Variants in KIF1B observed in about 807,000 individuals in gnomAD.
KIF1B encodes the protein kinesin-like protein KIF1B.
A neutral mutation model predicts 241.9 loss-of-function variants in KIF1B; 76 were observed. The observed-to-expected ratio is 0.31, with a 90% CI of 0.26 to 0.38. The LOEUF is 0.38. KIF1B is among the 10% of genes least tolerant of loss of function. The probability of loss-of-function intolerance (pLI) is 1.00; values close to 1 mark genes in which losing one functional copy is unlikely to be tolerated. For missense variants in KIF1B, 1,622 were observed against 2,271.4 expected (o/e 0.71, Z 5.81); for synonymous variants, 750 against 796.7 (o/e 0.94, Z 0.99).
intron 10 of KIF1B, among the ~76,000 whole-genome samples, chr1:10,273,981 G>A (rs113866686): frequency 1.1e-3 from 156 of 141,110 alleles, no homozygotes; most frequent in African/African-American, 4.0e-3. Context: ...CTGCTGCCCA[G>A]GCTGGGGTAC....
intron 22 of KIF1B, among the ~76,000 whole-genome samples, chr1:10,298,422 AGTTT>A (rs1204859604): frequency 2.0e-5 from 3 of 152,216 alleles, no homozygotes; most frequent in Non-Finnish European, 4.4e-5. Context: ...TAAACCAGTT[AGTTT>A]GTTATCTTGT....
At chr1:10,244,802 C>T (rs967445484) in intron 2 of KIF1B, among the ~76,000 whole-genome samples, 24 of 149,960 alleles carry the variant, frequency 1.6e-4, no homozygotes, top group Non-Finnish European at 3.0e-4. Flanking sequence ...TTAGTAGAGA[C>T]GGGGTTTCAC....
intron 1 of KIF1B, among the ~76,000 whole-genome samples, chr1:10,229,335 G>A (rs1008477944): frequency 6.6e-6 from 1 of 152,026 alleles, no homozygotes; most frequent in African/African-American, 2.4e-5. Context: ...CAGTAAACTA[G>A]GCAAAGGACT....
intron 48 of KIF1B, among the ~76,000 whole-genome samples, 156 bp from the exon 49 acceptor site, chr1:10,376,389 T>C (rs566365499): frequency 6.6e-6 from 1 of 152,256 alleles, no homozygotes; most frequent in South Asian, 2.1e-4. Flanking sequence ...TCTGAGGGCT[T>C]GTGTCACAGG....
intron 22 of KIF1B, among the ~76,000 whole-genome samples, chr1:10,298,554 T>C (rs1650380085): frequency 6.6e-6 from 1 of 152,188 alleles, no homozygotes; most frequent in Non-Finnish European, 1.5e-5. Context: ...CATTAAGTTT[T>C]TAATGAAAAC....
intron 19 of KIF1B, 76 bp downstream of exon 19, chr1:10,295,842 CTCTG>C (rs1459368651): frequency 2.5e-5 from 31 of 1,231,708 alleles, no homozygotes; most frequent in South Asian, 1.6e-4. Context: ...ACTTTGTATT[CTCTG>C]TCTATCAGTA....
chr1:10,263,342 C>G (rs1383592668), intron 5 of KIF1B, among the ~76,000 whole-genome samples: 1 of 151,254 alleles, frequency 6.6e-6, no homozygotes, highest in Non-Finnish European at 1.5e-5. Flanking sequence ...CCCTCTCTCT[C>G]TCACCGCCAC....
At chr1:10,272,683 T>C (rs1011637022) in intron 9 of KIF1B, among the ~76,000 whole-genome samples, 9 of 151,996 alleles carry the variant, frequency 5.9e-5, no homozygotes, top group Admixed American at 4.6e-4. Context: ...GCAGTTTGGC[T>C]TTGGTGAATG....
At chr1:10,278,387 A>G (rs1017177553) in intron 13 of KIF1B, among the ~76,000 whole-genome samples, 9 of 152,174 alleles carry the variant, frequency 5.9e-5, no homozygotes, top group African/African-American at 2.2e-4. Context: ...TGTCACTAGT[A>G]TTTTTGTTAG....
chr1:10,273,078 T>G, intron 10 of KIF1B, 47 bp downstream of exon 10: 2 of 1,425,080 alleles, frequency 1.4e-6, no homozygotes, highest in Non-Finnish European at 1.9e-6. Context: ...CTTTTATGTT[T>G]TAAATCCTCA....
At position 10,258,575 on chromosome 1, in the gene KIF1B, A is replaced by G; in HGVS notation, c.266A>G (p.Tyr89Cys). The G allele has an allele frequency of 6.2e-7, 1 of 1,614,174 alleles. No homozygotes were observed. Among genetic ancestry groups the G allele is most frequent in the Non-Finnish European group, 8.5e-7 (1 of 1,179,990 alleles). ...ATGCTCTTACACGCCTTTGAGGGAT[A>G]TAATGTCTGTATTTTTGCCTATGGG... ...KEMLLHAFEG[Y>C]NVCIFAYGQT... The change falls in exon 4 of 49, where the codon TAT becomes TGT. Residue 89 changes from tyrosine (Y) to cysteine (C), a missense_variant. This residue lies in a region of KIF1B where 156 missense variants were observed against 244.8 expected (regional missense o/e 0.64). Transcript: ENST00000676179.
At chr1:10,294,972 C>A in intron 17 of KIF1B, 114 bp from the exon 18 acceptor site, 1 of 771,430 alleles carries the variant, frequency 1.3e-6, no homozygotes, top group South Asian at 1.4e-5. Flanking sequence ...AAAAGAAATC[C>A]CTCTCTAGGC....
intron 7 of KIF1B, 113 bp from the exon 8 acceptor site, chr1:10,271,389 T>G (rs1018260750): frequency 1.2e-6 from 1 of 803,420 alleles, no homozygotes; most frequent in Non-Finnish European, 2.2e-6. Flanking sequence ...AAAGCTCTAA[T>G]ACTTTTAGTT....
At chr1:10,244,615 C>CT (rs773950544) in intron 2 of KIF1B, among the ~76,000 whole-genome samples, 14,648 of 103,780 alleles carry the variant, frequency 0.14, 1,011 homozygotes, top group South Asian at 0.19. Context: ...CCCGGCCCTC[C>CT]TTTTTTTTTT....
At chr1:10,327,660 G>A (rs893882604) in intron 27 of KIF1B, among the ~76,000 whole-genome samples, 1 of 152,120 alleles carries the variant, frequency 6.6e-6, no homozygotes, top group Non-Finnish European at 1.5e-5. Context: ...TAATACTGGT[G>A]TCTTTGTTCA....
chr1:10,212,940 A>ACG (rs1646717408), intron 1 of KIF1B, among the ~76,000 whole-genome samples: 1 of 146,568 alleles, frequency 6.8e-6, no homozygotes, highest in South Asian at 2.1e-4. Flanking sequence ...ATACACACAC[A>ACG]CATTTAAAAA....
chr1:10,306,647 C>T, intron 22 of KIF1B: 1 of 639,826 alleles, frequency 1.6e-6, no homozygotes. Context: ...GTGAACCCAG[C>T]CCAGGTTGGA....
chr1:10,216,656 G>A lies in KIF1B; in HGVS notation c.-80+5778G>A, dbSNP rs568277983. Among the ~76,000 whole-genome samples the A allele has an allele frequency of 5.3e-5, 8 of 152,136 alleles. No individual in the cohort carries two copies. The South Asian group carries it at 8.3e-4, about 16-fold the overall frequency. On this transcript the variant is annotated intron_variant, in intron 1 of 48. Coordinates refer to ENST00000676179, the MANE Select transcript of KIF1B (RefSeq NM_001365951.3). ...GTCCCTGTCGGAGCAGTTCTGCTTA[G>A]CTCCCTCCCCATTTCTCCACAGTTG...
intron 15 of KIF1B, among the ~76,000 whole-genome samples, 198 bp downstream of exon 15, chr1:10,282,731 G>T (rs1212557562): frequency 6.6e-6 from 1 of 151,618 alleles, no homozygotes; most frequent in Non-Finnish European, 1.5e-5. Context: ...GCCAGGCAGA[G>T]TTGGGAGAAG....
Sources: gnomAD v4.1 joint callset for allele counts (sites outside exome capture counted in the v4.1 genomes callset) on GRCh38, gnomAD v4.1.1 for gene constraint, gnomAD v4.1.1 regional missense constraint, MANE v1.5 for transcripts, NCBI Gene and HGNC (gene_info 2026-07-23, HGNC 2026-07-21) for gene names.